EEFSEC: variants seen among roughly 807,000 people sequenced by gnomAD.
The protein encoded by EEFSEC is eukaryotic elongation factor, selenocysteine-tRNA specific.
Under a neutral mutation model 42.1 loss-of-function variants are expected in EEFSEC, and 43 were observed. The ratio of observed to expected loss-of-function variants is 1.02; its 90% CI spans 0.80 to 1.32. The LOEUF (loss-of-function observed/expected upper bound fraction) is 1.32, where lower values mean the gene tolerates loss of function less well. Ranked by LOEUF, EEFSEC falls within the 40% of genes most tolerant of loss-of-function variation. The probability of loss-of-function intolerance (pLI) is 0.00; values close to 1 mark genes in which losing one functional copy is unlikely to be tolerated. For missense variants in EEFSEC, 745 were observed against 803.6 expected (o/e 0.93, Z 0.88); for synonymous variants, 354 against 339.1 (o/e 1.04, Z -0.48).
At chr3:128,346,980 A>G (rs544420892) in intron 5 of EEFSEC, among the ~76,000 whole-genome samples, 1 of 152,366 alleles carries the variant, frequency 6.6e-6, no homozygotes. Context: ...CTTTGGCTAT[A>G]GTTTTCCAAC....
intron 6 of EEFSEC, among the ~76,000 whole-genome samples, chr3:128,395,415 A>C (rs2067969420): frequency 6.6e-6 from 1 of 152,144 alleles, no homozygotes; most frequent in South Asian, 2.1e-4. Context: ...TCCTGACCCC[A>C]GCTTCCTTCC....
rs59605428 is a variant in EEFSEC, at chr3:128,286,661, C to T, written c.786+21880C>T. Among the ~76,000 whole-genome samples the T allele has an allele frequency of 1.7e-3, 263 of 152,288 alleles. 1 individual carries two copies. Among genetic ancestry groups the T allele is most frequent in the African/African-American group, 6.1e-3 (252 of 41,542 alleles). ...TTCCAGGCTCATCCTGTTTCCTGCCCCAGACCTGGAATCAGCTACTTCTCC... is the reference window on the plus strand; with the variant it reads ...TTCCAGGCTCATCCTGTTTCCTGCCTCAGACCTGGAATCAGCTACTTCTCC... On this transcript the variant is annotated intron_variant, in intron 4 of 6. Coordinates refer to ENST00000254730, the MANE Select transcript of EEFSEC (RefSeq NM_021937.5).
chr3:128,422,569 C>T, the EEFSEC span, among the ~76,000 whole-genome samples: 4 of 152,232 alleles, frequency 2.6e-5, no homozygotes, highest in African/African-American at 4.8e-5. Context: ...CTCGTTCTCA[C>T]TCCTCGGGCC....
At chr3:128,338,051 C>T (rs2108070587) in intron 4 of EEFSEC, among the ~76,000 whole-genome samples, 1 of 152,358 alleles carries the variant, frequency 6.6e-6, no homozygotes, top group Middle Eastern at 3.4e-3. Context: ...GCTAAATACA[C>T]AAGGTGCAGC....
At chr3:128,413,814 G>A in the EEFSEC span, among the ~76,000 whole-genome samples, 1 of 152,318 alleles carries the variant, frequency 6.6e-6, no homozygotes, top group South Asian at 2.1e-4. Context: ...GCCACCACCT[G>A]GCGGGCCCCA....
At chr3:128,282,489 C>T (rs1449992149) in intron 4 of EEFSEC, among the ~76,000 whole-genome samples, 7 of 152,244 alleles carry the variant, frequency 4.6e-5, no homozygotes, top group Admixed American at 2.6e-4. Flanking sequence ...ATTGTTCCAG[C>T]GCAATTGAAA....
chr3:128,362,890 C>T (rs2067545584), intron 6 of EEFSEC, among the ~76,000 whole-genome samples: 2 of 152,208 alleles, frequency 1.3e-5, no homozygotes, highest in Admixed American at 6.5e-5. Flanking sequence ...AATTCTCATT[C>T]AAACCCTAAA....
intron 6 of EEFSEC, among the ~76,000 whole-genome samples, chr3:128,376,188 C>T (rs1347135531): frequency 2.6e-5 from 4 of 152,220 alleles, no homozygotes; most frequent in Admixed American, 2.6e-4. Context: ...GCACAGTTCT[C>T]TGGCCAGCCT....
chr3:128,269,286 C>G (rs2066389683), intron 4 of EEFSEC, among the ~76,000 whole-genome samples: 1 of 152,254 alleles, frequency 6.6e-6, no homozygotes, highest in Non-Finnish European at 1.5e-5. Context: ...AGTGGTGCCT[C>G]TACTCCAGGG....
At chr3:128,391,626 C>T (rs1363515787) in intron 6 of EEFSEC, among the ~76,000 whole-genome samples, 1 of 152,210 alleles carries the variant, frequency 6.6e-6, no homozygotes, top group Admixed American at 6.5e-5. Flanking sequence ...ATGGGCTCTT[C>T]TCTCTCAGCA....
intron 5 of EEFSEC, among the ~76,000 whole-genome samples, chr3:128,354,173 A>G (rs1169184008): frequency 6.6e-6 from 1 of 152,118 alleles, no homozygotes; most frequent in African/African-American, 2.4e-5. Context: ...ACGTGTGCAG[A>G]CGTCCAGCTC....
chr3:128,395,995 A>G (rs1438390075), intron 6 of EEFSEC, among the ~76,000 whole-genome samples: 1 of 152,244 alleles, frequency 6.6e-6, no homozygotes, highest in African/African-American at 2.4e-5. Context: ...CACAGAGCTC[A>G]GGCTCTGACA....
chr3:128,384,990 G>T (rs780973623), intron 6 of EEFSEC, among the ~76,000 whole-genome samples: 1 of 152,108 alleles, frequency 6.6e-6, no homozygotes, highest in Admixed American at 6.5e-5. Flanking sequence ...TTGAATGTGG[G>T]GAAGACCAAT....
the EEFSEC span, among the ~76,000 whole-genome samples, chr3:128,415,835 AC>A: frequency 6.6e-6 from 1 of 151,906 alleles, no homozygotes; most frequent in Non-Finnish European, 1.5e-5. Flanking sequence ...CGGTTTTGGG[AC>A]CCCTGCTTCC....
At chr3:128,411,176 C>A (rs1270724481), downstream of EEFSEC, among the ~76,000 whole-genome samples, 3 of 152,364 alleles carry the variant, frequency 2.0e-5, no homozygotes, top group South Asian at 6.2e-4. Flanking sequence ...CCAGCACCCG[C>A]TTCTGGCTGA....
chr3:128,169,837 G>A (rs557196449), intron 1 of EEFSEC, among the ~76,000 whole-genome samples: 4 of 152,264 alleles, frequency 2.6e-5, no homozygotes, highest in South Asian at 2.1e-4. Context: ...CCTAGACCTC[G>A]TCTCACTCCT....
intron 4 of EEFSEC, among the ~76,000 whole-genome samples, chr3:128,270,192 A>G (rs1293122526): frequency 6.6e-6 from 1 of 151,946 alleles, no homozygotes; most frequent in African/African-American, 2.4e-5. Flanking sequence ...TTTAGCTGAT[A>G]CTCTTGTCAT....
chr3:128,424,836 C>T, the EEFSEC span, among the ~76,000 whole-genome samples: 34 of 152,202 alleles, frequency 2.2e-4, no homozygotes, highest in Middle Eastern at 6.8e-3. Flanking sequence ...CCGTGTCTCC[C>T]GCCCCACCCC....
chr3:128,348,557 T>C (rs1208260569), intron 5 of EEFSEC, among the ~76,000 whole-genome samples: 1 of 152,206 alleles, frequency 6.6e-6, no homozygotes, highest in African/African-American at 2.4e-5. Flanking sequence ...CTAGTAGCAA[T>C]AGTATGTAAC....
Sources: gnomAD v4.1 joint callset for allele counts (sites outside exome capture counted in the v4.1 genomes callset) on GRCh38, gnomAD v4.1.1 for gene constraint, MANE v1.5 for transcripts, NCBI Gene and HGNC (gene_info 2026-07-23, HGNC 2026-07-21) for gene names.